MAP2K4: variants seen among roughly 807,000 people sequenced by gnomAD.
The protein encoded by MAP2K4 is dual specificity mitogen-activated protein kinase kinase 4.
Under a neutral mutation model 48.5 loss-of-function variants are expected in MAP2K4, and 4 were observed. The ratio of observed to expected loss-of-function variants is 0.08; its 90% CI spans 0.04 to 0.19. The LOEUF is 0.19. Ranked by LOEUF, MAP2K4 falls within the 10% of genes least tolerant of loss-of-function variation. The pLI, the probability that MAP2K4 is intolerant of heterozygous loss-of-function variation, is 1.00. For missense variants in MAP2K4, 258 were observed against 493.3 expected (o/e 0.52, Z 4.52); for synonymous variants, 166 against 173.1 (o/e 0.96, Z 0.32).
At chr17:12,054,820 C>T (rs1382339719) in intron 1 of MAP2K4, 69 bp from the exon 2 acceptor site, 5 of 929,564 alleles carry the variant, frequency 5.4e-6, no homozygotes, top group South Asian at 4.7e-5. Flanking sequence ...GTGTGACTTT[C>T]TTATGCCCTC....
chr17:12,099,840 A>G (rs1322369391), intron 4 of MAP2K4, among the ~76,000 whole-genome samples: 1 of 152,172 alleles, frequency 6.6e-6, no homozygotes, highest in East Asian at 1.9e-4. Flanking sequence ...AAATTTGAGA[A>G]TTTCATAGCA....
intron 9 of MAP2K4, among the ~76,000 whole-genome samples, chr17:12,135,366 G>A (rs970048615): frequency 7.9e-5 from 12 of 152,202 alleles, no homozygotes; most frequent in African/African-American, 2.9e-4. Flanking sequence ...TTACAGGCGC[G>A]AGCCACTGCG....
intron 2 of MAP2K4, among the ~76,000 whole-genome samples, chr17:12,058,507 G>A (rs1225842563): frequency 6.6e-6 from 1 of 152,124 alleles, no homozygotes; most frequent in Non-Finnish European, 1.5e-5. Flanking sequence ...CTCCTACCAT[G>A]TGTTATAGGT....
chr17:12,106,127 G>A (rs377472207), intron 4 of MAP2K4, among the ~76,000 whole-genome samples: 39 of 151,482 alleles, frequency 2.6e-4, no homozygotes, highest in African/African-American at 8.7e-4. Context: ...TTTTTTTTCC[G>A]CTTTGCTATA....
At chr17:12,087,345 A>C (rs997411506) in intron 3 of MAP2K4, among the ~76,000 whole-genome samples, 2 of 152,158 alleles carry the variant, frequency 1.3e-5, no homozygotes, top group African/African-American at 4.8e-5. Flanking sequence ...TATGGTCTTC[A>C]GACCCTTAAA....
At position 12,027,777 on chromosome 17, in the gene MAP2K4, G is replaced by A. The variant is rs1056565990; in HGVS notation, c.115+6776G>A. ...TACCAGGCTGTGCCTAGGAAGGGTT[G>A]TGGCAGAGGTGTAGAGGGTGGGGTG... On this transcript the variant is annotated intron_variant, in intron 1 of 10. Transcript: ENST00000353533. Among the ~76,000 whole-genome samples, 3 of 152,208 alleles carry A rather than the reference G, an allele frequency of 2.0e-5. No homozygotes were observed. The East Asian group carries it at 5.8e-4, about 29-fold the overall frequency.
rs772444359 is a variant in MAP2K4, at chr17:12,125,422, T to G, written c.891+51T>G. The stretch of plus-strand genomic sequence containing the variant: ...CCACAGTAGCGTAACAATAAGAAAT[T>G]TAGAAGTGAAAGAAAACTTAATCAG... On this transcript the variant is annotated intron_variant, in intron 8 of 10. Transcript: ENST00000353533. 10 of 1,472,428 alleles carry G rather than the reference T, an allele frequency of 6.8e-6. No homozygotes were observed. In the Admixed American group the frequency reaches 1.0e-4, roughly 15 times the overall value. The allele number at this position is 1,472,428 out of a possible 1,614,324, so 91.2% of individuals were successfully genotyped here.
At chr17:12,055,254 G>T (rs1473854598) in intron 2 of MAP2K4, among the ~76,000 whole-genome samples, 2 of 152,052 alleles carry the variant, frequency 1.3e-5, no homozygotes, top group Admixed American at 1.3e-4. Flanking sequence ...ATTCCTGCAA[G>T]ATTTCTATGT....
chr17:12,064,015 AGG>A (rs1198392092), intron 2 of MAP2K4, among the ~76,000 whole-genome samples: 1 of 77,748 alleles, frequency 1.3e-5, no homozygotes, highest in Non-Finnish European at 2.6e-5. Flanking sequence ...GGAGAGGGGA[AGG>A]GGGGGAGAGA....
chr17:12,036,705 A>G (rs1344763578), intron 1 of MAP2K4: 1 of 125,646 alleles, frequency 8.0e-6, no homozygotes, highest in Non-Finnish European at 1.8e-5. Context: ...TCAGCATTCT[A>G]ATTTTTTTTT....
chr17:12,075,663 A>G (rs1970978787), intron 2 of MAP2K4, among the ~76,000 whole-genome samples: 1 of 152,212 alleles, frequency 6.6e-6, no homozygotes, highest in Non-Finnish European at 1.5e-5. Flanking sequence ...GAAAAGAATG[A>G]TCTAACCCTA....
At chr17:12,072,342 G>C (rs1366473358) in intron 2 of MAP2K4, among the ~76,000 whole-genome samples, 1 of 152,104 alleles carries the variant, frequency 6.6e-6, no homozygotes, top group African/African-American at 2.4e-5. Flanking sequence ...AGTATTTTCA[G>C]GAAGTTTCTT....
At chr17:12,044,233 C>G (rs1969887486) in intron 1 of MAP2K4, among the ~76,000 whole-genome samples, 1 of 152,142 alleles carries the variant, frequency 6.6e-6, no homozygotes, top group Non-Finnish European at 1.5e-5. Context: ...TTGAATCTAT[C>G]TGGGAAAAAG....
At chr17:12,045,584 TA>T (rs1218288633) in intron 1 of MAP2K4, among the ~76,000 whole-genome samples, 2 of 152,202 alleles carry the variant, frequency 1.3e-5, no homozygotes, top group Admixed American at 1.3e-4. Flanking sequence ...AGATTGCTAC[TA>T]AAAAAATAAG....
chr17:12,072,920 CAG>C (rs1423107195), intron 2 of MAP2K4, among the ~76,000 whole-genome samples: 1 of 152,108 alleles, frequency 6.6e-6, no homozygotes, highest in Non-Finnish European at 1.5e-5. Context: ...AATTAGCTAA[CAG>C]ATCACAAATG....
rs542175808 is a variant in MAP2K4 at position 12,096,596 on chromosome 17, T to G, written c.513+902T>G. On this transcript the variant is annotated intron_variant, in intron 4 of 10. Coordinates refer to ENST00000353533, the MANE Select transcript of MAP2K4 (RefSeq NM_003010.4). ...GCAAATGTTAGGATGAATAACCGAGTTGTTATAAACTGGTAAGAAAAACCC... is the reference window on the plus strand; with the variant it reads ...GCAAATGTTAGGATGAATAACCGAGGTGTTATAAACTGGTAAGAAAAACCC... Among the ~76,000 whole-genome samples the G allele has an allele frequency of 5.3e-5, 8 of 152,292 alleles. No homozygotes were observed. The South Asian group carries it at 1.7e-3, about 32-fold the overall frequency.
intron 2 of MAP2K4, among the ~76,000 whole-genome samples, chr17:12,059,722 T>C (rs1347469062): frequency 6.6e-6 from 1 of 152,206 alleles, no homozygotes; most frequent in Non-Finnish European, 1.5e-5. Context: ...CTATAGAACA[T>C]CTAGGAGTAG....
intron 3 of MAP2K4, among the ~76,000 whole-genome samples, chr17:12,083,078 G>A (rs966901270): frequency 1.3e-5 from 2 of 152,012 alleles, no homozygotes; most frequent in Non-Finnish European, 2.9e-5. Flanking sequence ...CAGGTACTAG[G>A]GAAAGTAATT....
intron 7 of MAP2K4, chr17:12,115,935 C>T (rs1972479289): frequency 2.0e-6 from 1 of 499,348 alleles, no homozygotes; most frequent in African/African-American, 1.9e-5. Flanking sequence ...CATCTTCTAA[C>T]ACCAGCTATG....
Sources: gnomAD v4.1 joint callset for allele counts (sites outside exome capture counted in the v4.1 genomes callset) on GRCh38, gnomAD v4.1.1 for gene constraint, MANE v1.5 for transcripts, NCBI Gene and HGNC (gene_info 2026-07-23, HGNC 2026-07-21) for gene names.